FBXW8: variants seen among roughly 807,000 people sequenced by gnomAD.
FBXW8 encodes the protein F-box and WD repeat domain containing 8.
A neutral mutation model predicts 65.3 loss-of-function variants in FBXW8; 57 were observed. That is an observed-to-expected ratio of 0.87 (90% confidence interval 0.71 to 1.09). FBXW8 has a LOEUF of 1.09. Among genes scored for constraint, FBXW8 ranks in the 50% least tolerant of loss-of-function variants. FBXW8 has a pLI of 0.00. For missense variants in FBXW8, 777 were observed against 814.8 expected (o/e 0.95, Z 0.57); for synonymous variants, 308 against 330.2 (o/e 0.93, Z 0.73).
intron 4 of FBXW8, among the ~76,000 whole-genome samples, chr12:116,955,256 G>A (rs1056864726): frequency 7.4e-4 from 113 of 152,208 alleles, no homozygotes; most frequent in African/African-American, 2.6e-3. Flanking sequence ...ATGCAGCAGC[G>A]CAGAAAAGAC....
chr12:116,927,602 T>G (rs913900014), intron 1 of FBXW8, among the ~76,000 whole-genome samples: 1 of 152,204 alleles, frequency 6.6e-6, no homozygotes, highest in African/African-American at 2.4e-5. Flanking sequence ...GTGGTTGTCC[T>G]GGGAAGAGGG....
At chr12:116,949,568 C>T (rs758023365) in intron 3 of FBXW8, 50 bp from the exon 4 acceptor site, 24 of 1,549,100 alleles carry the variant, frequency 1.5e-5, no homozygotes, top group Admixed American at 3.3e-5. Context: ...GCTTGGCTTT[C>T]GGGCTGTCCC....
At position 117,028,391 on chromosome 12, in the gene FBXW8, C is replaced by G; in HGVS notation, c.*219C>G. 1 of 596,778 alleles carries G rather than the reference C, an allele frequency of 1.7e-6. No individual in the cohort carries two copies. The highest frequency in any genetic ancestry group is 2.9e-6 in the Non-Finnish European group (1 of 342,820). The allele number at this position is 596,778 out of a possible 1,614,324, so 37.0% of individuals were successfully genotyped here. A position where few individuals can be genotyped will look rare whatever the true frequency, so the allele number is the denominator to read the frequency against. On this transcript the variant is annotated 3_prime_UTR_variant, in exon 11 of 11. Coordinates refer to ENST00000652555, the MANE Select transcript of FBXW8 (RefSeq NM_153348.3). The surrounding 1 kb of genome is among the most constrained non-coding windows in gnomAD (Gnocchi z 4.1). ...GCTCGAGTCCCACGTGCTGCCAACT[C>G]AAACATAGCCTCCTTCCCCACCCAG...
chr12:116,917,346 G>A (rs1698792161), intron 1 of FBXW8, among the ~76,000 whole-genome samples: 1 of 152,162 alleles, frequency 6.6e-6, no homozygotes, highest in Admixed American at 6.5e-5. Context: ...TGATCCATGG[G>A]TGGCTCCTGA....
intron 3 of FBXW8, among the ~76,000 whole-genome samples, chr12:116,946,355 G>A (rs1312287098): frequency 1.3e-5 from 2 of 152,112 alleles, no homozygotes; most frequent in Non-Finnish European, 2.9e-5. Flanking sequence ...AACCTCACAC[G>A]GTTTCTAGCA....
rs377730206 is a variant in FBXW8, at chr12:117,010,457, G to C, written c.1367+7G>C. The C allele has an allele frequency of 1.1e-5, 18 of 1,614,112 alleles. No individual in the cohort carries two copies. Among genetic ancestry groups the C allele is most frequent in the Non-Finnish European group, 1.5e-5 (18 of 1,180,054 alleles). ...GTGGCAACATGGACGGGAGGTACGT[G>C]AGTTGGAAGGGCATTGCCTTGCAGC... On this transcript the variant is annotated splice_region_variant and intron_variant, in intron 8 of 10. Coordinates refer to ENST00000652555, the MANE Select transcript of FBXW8 (RefSeq NM_153348.3).
intron 7 of FBXW8, among the ~76,000 whole-genome samples, chr12:117,004,422 A>G (rs1364474653): frequency 6.6e-6 from 1 of 152,004 alleles, no homozygotes; most frequent in Non-Finnish European, 1.5e-5. Flanking sequence ...TACTCAGTTG[A>G]TCTTGATTTG....
At chr12:116,967,731 A>G (rs529270716) in intron 5 of FBXW8, among the ~76,000 whole-genome samples, 4 of 152,148 alleles carry the variant, frequency 2.6e-5, no homozygotes, top group African/African-American at 7.2e-5. Flanking sequence ...AATCCTTGCC[A>G]TATGTGTTTC....
At chr12:117,016,033 A>T (rs1184079654) in intron 8 of FBXW8, among the ~76,000 whole-genome samples, 1 of 152,238 alleles carries the variant, frequency 6.6e-6, no homozygotes, top group Non-Finnish European at 1.5e-5. Context: ...CTGGCCAAGT[A>T]ATATTCCCTT....
chr12:116,979,868 TG>T (rs1406899372), intron 5 of FBXW8, among the ~76,000 whole-genome samples: 1 of 152,140 alleles, frequency 6.6e-6, no homozygotes, highest in African/African-American at 2.4e-5. Context: ...CTTTTTCTCT[TG>T]TTTTACCTTG....
chr12:117,005,248 C>CTA (rs1215682791), intron 7 of FBXW8, among the ~76,000 whole-genome samples: 3 of 152,186 alleles, frequency 2.0e-5, no homozygotes, highest in African/African-American at 7.2e-5. Context: ...GGGTCTGAGA[C>CTA]TATAGGAAGC....
At chr12:117,003,460 T>C (rs2135700521) in intron 7 of FBXW8, among the ~76,000 whole-genome samples, 1 of 148,690 alleles carries the variant, frequency 6.7e-6, no homozygotes, top group African/African-American at 2.6e-5. Context: ...CAGATTATTC[T>C]ATGTATTTAA....
intron 4 of FBXW8, among the ~76,000 whole-genome samples, chr12:116,960,006 A>G (rs1000378163): frequency 1.3e-5 from 2 of 152,220 alleles, no homozygotes; most frequent in African/African-American, 4.8e-5. Context: ...AGCCATCAAC[A>G]TTGGGTTCCA....
intron 2 of FBXW8, among the ~76,000 whole-genome samples, chr12:116,932,180 A>G (rs925667927): frequency 6.6e-6 from 1 of 152,164 alleles, no homozygotes; most frequent in African/African-American, 2.4e-5. Flanking sequence ...AAATGGGTGT[A>G]TGATTGCTAA....
Position 116,981,696 on chromosome 12 carries a change from C to T in FBXW8, c.836-3510C>T, listed in dbSNP as rs1222179942. 6.6e-5 allele frequency among the ~76,000 whole-genome samples: 10 copies of T among 151,952 alleles called. No individual in the cohort carries two copies. In the East Asian group the frequency reaches 1.4e-3, roughly 21 times the overall value. On this transcript the variant is annotated intron_variant, in intron 5 of 10. Transcript: ENST00000652555. ...TGGCACTATCTTGGCTCACTGCAAC[C>T]TCCGCCTCCCAGGTTCAAGCAATTC...
intron 2 of FBXW8, among the ~76,000 whole-genome samples, chr12:116,943,516 A>G (rs1882739663): frequency 6.6e-6 from 1 of 152,188 alleles, no homozygotes; most frequent in Non-Finnish European, 1.5e-5. Context: ...CCTTAAATCC[A>G]CTGAACCAGT....
intron 8 of FBXW8, among the ~76,000 whole-genome samples, chr12:117,020,468 G>A (rs949583738): frequency 2.0e-4 from 31 of 152,134 alleles, no homozygotes; most frequent in South Asian, 4.2e-4. Context: ...AACTTGGGGC[G>A]TGTGGTGCAC....
At chr12:117,025,281 C>T (rs1954196511) in intron 9 of FBXW8, among the ~76,000 whole-genome samples, 1 of 152,192 alleles carries the variant, frequency 6.6e-6, no homozygotes, top group Non-Finnish European at 1.5e-5. Context: ...TTTGAGGCTG[C>T]AGTGACTGTG....
intron 8 of FBXW8, among the ~76,000 whole-genome samples, chr12:117,019,782 G>A (rs1441977419): frequency 1.3e-5 from 2 of 152,096 alleles, no homozygotes; most frequent in African/African-American, 4.8e-5. Flanking sequence ...TTTTAAACAT[G>A]GCAGCGTCCA....
Sources: allele counts gnomAD v4.1 joint callset (sites outside exome capture counted in the v4.1 genomes callset), GRCh38; gene constraint gnomAD v4.1.1; non-coding constraint Gnocchi (gnomAD v3.1); transcripts MANE v1.5; gene names NCBI Gene and HGNC (gene_info 2026-07-23, HGNC 2026-07-21).